The following CGRRF1 variants were observed in gnomAD, a reference collection of about 807,000 sequenced individuals.
CGRRF1 encodes the protein cell growth regulator with ring finger domain 1.
A neutral mutation model predicts 37.2 loss-of-function variants in CGRRF1; 32 were observed. The observed-to-expected ratio is 0.86, with a 90% CI of 0.65 to 1.16. The LOEUF is 1.16. Ranked by LOEUF, CGRRF1 falls within the 50% of genes most tolerant of loss-of-function variation. CGRRF1 has a pLI of 0.00. For missense variants in CGRRF1, 391 were observed against 382.6 expected, an observed-to-expected ratio of 1.02 and a Z score of -0.18; for synonymous variants, 141 against 140.3, an observed-to-expected ratio of 1.00 and a Z score of -0.04.
chr14:54,523,685 T>A (rs1432151957), intron 2 of CGRRF1, among the ~76,000 whole-genome samples: 1 of 152,178 alleles, frequency 6.6e-6, no homozygotes, highest in Non-Finnish European at 1.5e-5. Flanking sequence ...CTCAGGTTCT[T>A]CCTATGGGTC....
chr14:54,538,432 T>C lies in CGRRF1; in HGVS notation c.*49T>C. 7.4e-7 allele frequency: 1 copy of C among 1,355,050 alleles called. No homozygotes were observed. Among genetic ancestry groups the C allele is most frequent in the Non-Finnish European group, 1.0e-6 (1 of 975,704 alleles). The allele number at this position is 1,355,050 out of a possible 1,614,324, so 83.9% of individuals were successfully genotyped here. A position where few individuals can be genotyped will look rare whatever the true frequency, so the allele number is the denominator to read the frequency against. On this transcript the variant is annotated 3_prime_UTR_variant, in exon 6 of 6. Coordinates refer to ENST00000216420, the MANE Select transcript of CGRRF1 (RefSeq NM_006568.3). Reference sequence around the variant, plus strand: ...CACTTTCTACTAAAGATGCAGAAATTGATGATCTTGGAATTCATCATAACA... The same window carrying C: ...CACTTTCTACTAAAGATGCAGAAATCGATGATCTTGGAATTCATCATAACA...
At chr14:54,526,774 A>T (rs2032418537) in intron 2 of CGRRF1, among the ~76,000 whole-genome samples, 1 of 152,228 alleles carries the variant, frequency 6.6e-6, no homozygotes, top group African/African-American at 2.4e-5. Flanking sequence ...AACACAATGT[A>T]CATGGCATGT....
chr14:54,514,581 T>C (rs890109159), intron 1 of CGRRF1, among the ~76,000 whole-genome samples: 3 of 152,260 alleles, frequency 2.0e-5, no homozygotes, highest in Non-Finnish European at 4.4e-5. Context: ...TCTTTTCTGC[T>C]CCTGTTCTTC....
intron 3 of CGRRF1, chr14:54,530,622 T>A (rs1555329689): frequency 5.8e-6 from 5 of 856,170 alleles, no homozygotes; most frequent in Non-Finnish European, 8.9e-6. Flanking sequence ...GCACTGAAAA[T>A]TAGACTTCTT....
At chr14:54,533,788 T>C (rs780242784) in intron 4 of CGRRF1, among the ~76,000 whole-genome samples, 36 of 152,212 alleles carry the variant, frequency 2.4e-4, no homozygotes, top group Non-Finnish European at 4.3e-4. Flanking sequence ...TTTTAGTTAA[T>C]TACATTGGCT....
intron 1 of CGRRF1, 53 bp downstream of exon 1, chr14:54,510,116 C>A: frequency 1.4e-6 from 2 of 1,387,162 alleles, no homozygotes; most frequent in South Asian, 2.4e-5. Flanking sequence ...AGAGTGGGGT[C>A]GCGACGAGCA....
At position 54,523,542 on chromosome 14, in the gene CGRRF1, CT is replaced by C. The variant is rs1225591124; in HGVS notation, c.244+961del. ...CTTTTTTTTTCTTTATTCCTTCCTC[CT>C]TTTTTTTTTTTGAGTAGAATCTTGG... On this transcript the variant is annotated intron_variant, in intron 2 of 5. Transcript: ENST00000216420. 1.7e-3 allele frequency among the ~76,000 whole-genome samples: 234 copies of C among 136,104 alleles called. 1 individual carries two copies. Among genetic ancestry groups the C allele is most frequent in the East Asian group, 0.015 (63 of 4,098 alleles). 89.3% of individuals were successfully genotyped at this position (136,104 alleles called of 152,430 possible).
intron 1 of CGRRF1, among the ~76,000 whole-genome samples, chr14:54,517,329 G>A (rs1249195362): frequency 1.3e-5 from 2 of 152,148 alleles, no homozygotes; most frequent in Non-Finnish European, 2.9e-5. Flanking sequence ...AAATAGTTTA[G>A]TCTGTTAGAG....
chr14:54,533,414 A>C (rs1210877133), intron 4 of CGRRF1, among the ~76,000 whole-genome samples: 1 of 151,864 alleles, frequency 6.6e-6, no homozygotes, highest in African/African-American at 2.4e-5. Flanking sequence ...AATGTCTTTT[A>C]TTCTCATCTG....
rs187595362 is a variant in CGRRF1, at chr14:54,528,587, T to C, written c.245-1462T>C. 1.8e-4 allele frequency among the ~76,000 whole-genome samples: 27 copies of C among 152,342 alleles called. 1 individual carries two copies. In the East Asian group the frequency reaches 5.2e-3, roughly 29 times the overall value. The stretch of plus-strand genomic sequence containing the variant: ...AGCTTTTTTCTTCTGCCTCATGTTA[T>C]GTGGTTCTACAGTGACAAAGGGAAA... On this transcript the variant is annotated intron_variant, in intron 2 of 5. Coordinates refer to ENST00000216420, the MANE Select transcript of CGRRF1 (RefSeq NM_006568.3).
intron 1 of CGRRF1, among the ~76,000 whole-genome samples, chr14:54,513,609 ATGTT>A (rs2032167103): frequency 6.6e-6 from 1 of 150,908 alleles, no homozygotes; most frequent in Admixed American, 6.7e-5. Flanking sequence ...ATGTTATGTT[ATGTT>A]ATGTAATGTT....
Position 54,530,203 on chromosome 14 carries a change from A to G in CGRRF1, c.399A>G (p.Glu133=). 6.2e-7 allele frequency: 1 copy of G among 1,607,298 alleles called. No homozygotes were observed. Among genetic ancestry groups the G allele is most frequent in the South Asian group, 1.1e-5 (1 of 90,790 alleles). ...PQALEDALYS[E]YLYQEQYFIK... is the part of the protein sequence containing the mutation. Reference sequence around the variant, plus strand: ...CATTAGAAGATGCTCTGTATAGTGAATATCTCTATCAGGAACAGTATTTGT... The same window carrying G: ...CATTAGAAGATGCTCTGTATAGTGAGTATCTCTATCAGGAACAGTATTTGT... Residue 133 remains glutamate, a synonymous_variant, in exon 3 of 6, where the codon GAA becomes GAG. Transcript: ENST00000216420.
intron 4 of CGRRF1, 106 bp downstream of exon 4, chr14:54,531,156 C>A: frequency 1.1e-6 from 1 of 933,940 alleles, no homozygotes; most frequent in Non-Finnish European, 1.6e-6. Context: ...TGAGGATGTG[C>A]ATTTGGCCTA....
At chr14:54,531,848 G>A (rs554040745) in intron 4 of CGRRF1, among the ~76,000 whole-genome samples, 8 of 152,246 alleles carry the variant, frequency 5.3e-5, no homozygotes, top group Non-Finnish European at 7.4e-5. Flanking sequence ...TGATGAAATT[G>A]TATCATGGTA....
At chr14:54,520,690 A>G (rs770072741) in intron 1 of CGRRF1, among the ~76,000 whole-genome samples, 5 of 152,246 alleles carry the variant, frequency 3.3e-5, no homozygotes, top group Non-Finnish European at 7.3e-5. Context: ...TCTTTTGCAT[A>G]GCACGATGTT....
At chr14:54,526,315 A>C (rs1223698876) in intron 2 of CGRRF1, among the ~76,000 whole-genome samples, 1 of 151,374 alleles carries the variant, frequency 6.6e-6, no homozygotes, top group Non-Finnish European at 1.5e-5. Flanking sequence ...ATGCCCAGCT[A>C]ATTTTTTGTA....
intron 4 of CGRRF1, among the ~76,000 whole-genome samples, chr14:54,534,422 G>C (rs1019792136): frequency 2.6e-5 from 4 of 151,972 alleles, no homozygotes; most frequent in African/African-American, 9.7e-5. Context: ...TGCTCCCAGA[G>C]GACAAAATTG....
intron 2 of CGRRF1, among the ~76,000 whole-genome samples, chr14:54,524,762 A>T (rs1470632265): frequency 6.6e-6 from 1 of 152,114 alleles, no homozygotes. Context: ...ATTGATGGAA[A>T]CTAGGATCTC....
chr14:54,510,432 C>T (rs1247660636), intron 1 of CGRRF1, among the ~76,000 whole-genome samples: 1 of 152,152 alleles, frequency 6.6e-6, no homozygotes, highest in Non-Finnish European at 1.5e-5. Flanking sequence ...TACTGTGTGT[C>T]CTGGATGAGT....
Sources: gnomAD v4.1 joint callset for allele counts (sites outside exome capture counted in the v4.1 genomes callset) on GRCh38, gnomAD v4.1.1 for gene constraint, MANE v1.5 for transcripts, NCBI Gene and HGNC (gene_info 2026-07-23, HGNC 2026-07-21) for gene names.